THSD7B: variants seen among roughly 807,000 people sequenced by gnomAD.
The protein encoded by THSD7B is thrombospondin type-1 domain-containing protein 7B.
THSD7B carries 138 observed loss-of-function variants against 213.6 expected under a neutral mutation model. The observed-to-expected ratio is 0.65, with a 90% CI of 0.56 to 0.74. The LOEUF is 0.74. THSD7B is among the 30% of genes least tolerant of loss of function. THSD7B has a pLI of 0.00. For missense variants in THSD7B, 1,931 were observed against 1,991.5 expected (o/e 0.97, Z 0.58); for synonymous variants, 742 against 687.0 (o/e 1.08, Z -1.25).
At chr2:136,842,857 T>G (rs1048310598) in intron 1 of THSD7B, among the ~76,000 whole-genome samples, 2 of 152,178 alleles carry the variant, frequency 1.3e-5, no homozygotes, top group African/African-American at 4.8e-5. Context: ...GATGAGAATC[T>G]ATTTCTCAGA....
At chr2:136,908,614 G>C (rs1284287122) in intron 2 of THSD7B, among the ~76,000 whole-genome samples, 2 of 152,154 alleles carry the variant, frequency 1.3e-5, no homozygotes, top group African/African-American at 2.4e-5. Context: ...CTAGGATTGA[G>C]TTTGCACATA....
chr2:137,525,680 A>T (rs1188345285), intron 15 of THSD7B, among the ~76,000 whole-genome samples: 1 of 152,200 alleles, frequency 6.6e-6, no homozygotes, highest in East Asian at 1.9e-4. Context: ...TTCATAATGT[A>T]CTATGCTTAA....
At chr2:137,624,133 T>C (rs1313181315) in intron 20 of THSD7B, among the ~76,000 whole-genome samples, 1 of 152,106 alleles carries the variant, frequency 6.6e-6, no homozygotes, top group African/African-American at 2.4e-5. Context: ...AACAGAGATA[T>C]AGACCAATGG....
intron 24 of THSD7B, among the ~76,000 whole-genome samples, chr2:137,657,613 G>A (rs1245915195): frequency 6.6e-6 from 1 of 152,186 alleles, no homozygotes; most frequent in African/African-American, 2.4e-5. Flanking sequence ...GATGCAGAAA[G>A]CTTTTATGAT....
At chr2:137,256,042 T>A (rs961632863) in intron 10 of THSD7B, among the ~76,000 whole-genome samples, 8 of 152,160 alleles carry the variant, frequency 5.3e-5, no homozygotes, top group Admixed American at 2.0e-4. Context: ...CCTGTTTTTT[T>A]TTCTTCTTCA....
At chr2:137,302,786 A>G (rs936020624) in intron 12 of THSD7B, among the ~76,000 whole-genome samples, 8 of 152,322 alleles carry the variant, frequency 5.3e-5, no homozygotes, top group Admixed American at 4.6e-4. Context: ...AAAAGCGAGA[A>G]TGGATGGATT....
intron 10 of THSD7B, among the ~76,000 whole-genome samples, chr2:137,267,765 A>T (rs535008048): frequency 6.6e-6 from 1 of 152,256 alleles, no homozygotes; most frequent in African/African-American, 2.4e-5. Flanking sequence ...GATCTGACAT[A>T]GATTAAGATG....
chr2:137,554,110 A>G (rs1680903815), intron 15 of THSD7B, among the ~76,000 whole-genome samples: 1 of 151,944 alleles, frequency 6.6e-6, no homozygotes, highest in Admixed American at 6.6e-5. Flanking sequence ...CCAAAGTTCC[A>G]TAATGGAAAG....
intron 5 of THSD7B, among the ~76,000 whole-genome samples, chr2:137,150,813 T>C (rs1011098122): frequency 9.2e-5 from 14 of 152,210 alleles, no homozygotes; most frequent in Admixed American, 7.2e-4. Context: ...CTATATGGTA[T>C]GGCCTAATGC....
chr2:137,569,380 G>T (rs972085295), intron 16 of THSD7B, among the ~76,000 whole-genome samples: 1 of 152,124 alleles, frequency 6.6e-6, no homozygotes, highest in Non-Finnish European at 1.5e-5. Flanking sequence ...TTACAGGATG[G>T]TGTCCCCATT....
At chr2:137,569,652 T>C (rs1194047364) in intron 16 of THSD7B, among the ~76,000 whole-genome samples, 1 of 152,158 alleles carries the variant, frequency 6.6e-6, no homozygotes, top group Non-Finnish European at 1.5e-5. Context: ...AATTGAGTTA[T>C]TTTTGGTGTT....
intron 3 of THSD7B, among the ~76,000 whole-genome samples, chr2:137,082,972 T>C (rs1358074099): frequency 2.0e-5 from 3 of 152,130 alleles, no homozygotes; most frequent in South Asian, 2.1e-4. Flanking sequence ...TCTCTATATC[T>C]GTAGAACAAT....
At chr2:137,273,727 G>T (rs905502405) in intron 11 of THSD7B, among the ~76,000 whole-genome samples, 1 of 151,808 alleles carries the variant, frequency 6.6e-6, no homozygotes, top group Non-Finnish European at 1.5e-5. Context: ...ACCAATTTTG[G>T]GAGGATGTAA....
chr2:137,006,106 G>A (rs562393999), intron 2 of THSD7B, among the ~76,000 whole-genome samples: 4 of 152,040 alleles, frequency 2.6e-5, no homozygotes, highest in Admixed American at 1.3e-4. Flanking sequence ...TAATAAATAC[G>A]TATAGGGCCG....
At chr2:137,301,933 T>A (rs1683614788) in intron 12 of THSD7B, among the ~76,000 whole-genome samples, 1 of 152,100 alleles carries the variant, frequency 6.6e-6, no homozygotes, top group East Asian at 1.9e-4. Flanking sequence ...CCGGTTTACA[T>A]GGTGGTTAAG....
At chr2:137,110,002 C>A (rs1345796064) in intron 4 of THSD7B, among the ~76,000 whole-genome samples, 1 of 152,194 alleles carries the variant, frequency 6.6e-6, no homozygotes, top group East Asian at 1.9e-4. Flanking sequence ...GGACTTTGGA[C>A]AGGCTGCCCT....
chr2:137,607,243 A>G (rs533125736), intron 17 of THSD7B, among the ~76,000 whole-genome samples: 2 of 150,438 alleles, frequency 1.3e-5, no homozygotes, highest in East Asian at 2.0e-4. Flanking sequence ...TTGCACCACC[A>G]ATTATTAAGT....
At chr2:137,262,565 A>G (rs1051835047) in intron 10 of THSD7B, among the ~76,000 whole-genome samples, 32 of 152,214 alleles carry the variant, frequency 2.1e-4, no homozygotes, top group African/African-American at 5.8e-4. Context: ...TTCCTTGTTT[A>G]TACTGCACAA....
At position 137,652,304 on chromosome 2, in the gene THSD7B, A is replaced by G. The variant is rs59420163; in HGVS notation, c.3946-3197A>G. On this transcript the variant is annotated intron_variant, in intron 21 of 27. Transcript: ENST00000409968. ...TGCTGAATTGACACCTTTAATAGTG[A>G]CCTTCTTTGTCTATTTTTACAGTCT... 5.5e-3 allele frequency among the ~76,000 whole-genome samples: 829 copies of G among 152,104 alleles called. 56 individuals carry two copies. In the East Asian group the frequency reaches 0.14, roughly 25 times the overall value.
Sources: gnomAD v4.1 joint callset for allele counts (sites outside exome capture counted in the v4.1 genomes callset) on GRCh38, gnomAD v4.1.1 for gene constraint, MANE v1.5 for transcripts, NCBI Gene and HGNC (gene_info 2026-07-23, HGNC 2026-07-21) for gene names.